The following EIF4G3 variants were observed in gnomAD, a reference collection of about 807,000 sequenced individuals.
EIF4G3 encodes the protein eukaryotic translation initiation factor 4 gamma 3.
A neutral mutation model predicts 186.4 loss-of-function variants in EIF4G3; 34 were observed. That is an observed-to-expected ratio of 0.18 (90% CI 0.14 to 0.24). The LOEUF (loss-of-function observed/expected upper bound fraction) is 0.24, where lower values mean the gene tolerates loss of function less well. Among genes scored for constraint, EIF4G3 ranks in the 10% least tolerant of loss-of-function variants. The probability of loss-of-function intolerance (pLI) is 1.00; values close to 1 mark genes in which losing one functional copy is unlikely to be tolerated. For missense variants in EIF4G3, 1,536 were observed against 1,948.5 expected, an observed-to-expected ratio of 0.79 and a Z score of 3.99; for synonymous variants, 673 against 679.5, an observed-to-expected ratio of 0.99 and a Z score of 0.15.
chr1:20,854,783 T>TA (rs1474743900), intron 26 of EIF4G3, among the ~76,000 whole-genome samples, 195 bp downstream of exon 26: 3 of 151,860 alleles, frequency 2.0e-5, no homozygotes, highest in South Asian at 2.1e-4. Flanking sequence ...GAATTGAAAT[T>TA]AAAAAAATAC....
intron 2 of EIF4G3, among the ~76,000 whole-genome samples, chr1:21,100,118 A>G (rs2096483227): frequency 6.6e-6 from 1 of 152,202 alleles, no homozygotes; most frequent in African/African-American, 2.4e-5. Context: ...AAGACTGTAT[A>G]TCATGTGATT....
At chr1:20,920,322 C>T (rs989325300) in intron 14 of EIF4G3, among the ~76,000 whole-genome samples, 7 of 152,208 alleles carry the variant, frequency 4.6e-5, no homozygotes, top group African/African-American at 1.7e-4. Flanking sequence ...AATTTTCAAG[C>T]AAACTTTGAT....
At chr1:21,160,218 G>C (rs939934275) in intron 2 of EIF4G3, among the ~76,000 whole-genome samples, 1 of 151,712 alleles carries the variant, frequency 6.6e-6, no homozygotes, top group Admixed American at 6.6e-5. Flanking sequence ...AACAATGATA[G>C]TTACTGGATT....
chr1:21,122,067 T>C (rs965869378), intron 2 of EIF4G3, among the ~76,000 whole-genome samples: 3 of 152,142 alleles, frequency 2.0e-5, no homozygotes, highest in Non-Finnish European at 4.4e-5. Flanking sequence ...TGAACCCAGG[T>C]CACATGAGCT....
chr1:20,835,653 A>G (rs146590925), intron 30 of EIF4G3, among the ~76,000 whole-genome samples: 4 of 152,288 alleles, frequency 2.6e-5, no homozygotes, highest in South Asian at 4.1e-4. Context: ...TCAAGACTGA[A>G]TCATGGCCAG....
At chr1:21,171,700 G>C (rs1182748784) in intron 2 of EIF4G3, among the ~76,000 whole-genome samples, 3 of 152,094 alleles carry the variant, frequency 2.0e-5, no homozygotes, top group Non-Finnish European at 2.9e-5. Flanking sequence ...ACAATCATAA[G>C]CAATTATAAT....
At chr1:20,827,759 A>G (rs925524571) in intron 31 of EIF4G3, 61 bp from the exon 32 acceptor site, 10 of 1,213,008 alleles carry the variant, frequency 8.2e-6, no homozygotes, top group Middle Eastern at 2.0e-4. Flanking sequence ...CTAGAACAAG[A>G]GGCAAACAAT....
At chr1:20,832,602 C>T (rs2065620207) in intron 30 of EIF4G3, among the ~76,000 whole-genome samples, 1 of 148,784 alleles carries the variant, frequency 6.7e-6, no homozygotes, top group Admixed American at 6.7e-5. Context: ...TGTGCAGAAG[C>T]TCTTTAGTTT....
At chr1:21,161,511 A>C (rs2097765973) in intron 2 of EIF4G3, 1 of 152,290 alleles carries the variant, frequency 6.6e-6, no homozygotes, top group South Asian at 2.1e-4. Context: ...CTCAAAAAAA[A>C]AGAAAAGAAA....
intron 19 of EIF4G3, among the ~76,000 whole-genome samples, chr1:20,879,733 G>C (rs1168896010): frequency 6.6e-6 from 1 of 152,020 alleles, no homozygotes; most frequent in Non-Finnish European, 1.5e-5. Context: ...TCTAGAAATA[G>C]GTATATACAC....
chr1:20,833,173 T>G (rs1255923429), intron 30 of EIF4G3, among the ~76,000 whole-genome samples: 2 of 140,052 alleles, frequency 1.4e-5, no homozygotes, highest in Non-Finnish European at 3.1e-5. Flanking sequence ...TTGATGGGGA[T>G]GGCACTGAAT....
At chr1:20,839,066 C>A (rs2154548995) in intron 30 of EIF4G3, among the ~76,000 whole-genome samples, 1 of 152,286 alleles carries the variant, frequency 6.6e-6, no homozygotes, top group Non-Finnish European at 1.5e-5. Flanking sequence ...GCAACCTCCA[C>A]CTCCCTGGTT....
At chr1:20,938,905 G>C (rs1254761005) in intron 14 of EIF4G3, among the ~76,000 whole-genome samples, 1 of 151,796 alleles carries the variant, frequency 6.6e-6, no homozygotes, top group South Asian at 2.1e-4. Flanking sequence ...TCAGTAGTTC[G>C]AGACCAGCCT....
chr1:20,900,422 T>C (rs1282880678), intron 15 of EIF4G3, among the ~76,000 whole-genome samples: 2 of 152,040 alleles, frequency 1.3e-5, no homozygotes, highest in African/African-American at 2.4e-5. Context: ...TATCTCATTT[T>C]ACAAAAAGGC....
At chr1:21,097,437 T>C (rs2096401552) in intron 2 of EIF4G3, among the ~76,000 whole-genome samples, 1 of 152,172 alleles carries the variant, frequency 6.6e-6, no homozygotes, top group Admixed American at 6.6e-5. Flanking sequence ...GAGTAACTCA[T>C]GAATTTGAGG....
intron 12 of EIF4G3, among the ~76,000 whole-genome samples, chr1:20,954,271 C>T (rs953859903): frequency 1.3e-5 from 2 of 152,060 alleles, no homozygotes; most frequent in African/African-American, 4.8e-5. Flanking sequence ...GGCAAGGTGG[C>T]TCACGCCTCT....
At chr1:21,112,268 C>T (rs940644785) in intron 2 of EIF4G3, among the ~76,000 whole-genome samples, 1 of 152,172 alleles carries the variant, frequency 6.6e-6, no homozygotes, top group Admixed American at 6.6e-5. Context: ...TTCCTCACTA[C>T]CTGTATTTGT....
chr1:20,893,756 A>C, intron 17 of EIF4G3, 120 bp from the exon 18 acceptor site: 1 of 1,171,174 alleles, frequency 8.5e-7, no homozygotes, highest in East Asian at 2.7e-5. Context: ...CAGCTTTGGA[A>C]CCCGCAGAAG....
At chr1:20,944,548 GGA>G (rs1210345339) in intron 13 of EIF4G3, among the ~76,000 whole-genome samples, 3 of 151,094 alleles carry the variant, frequency 2.0e-5, no homozygotes, top group South Asian at 4.2e-4. Flanking sequence ...GTGGGGAGAA[GGA>G]GAGAGGGGGA....
Sources: allele counts gnomAD v4.1 joint callset (sites outside exome capture counted in the v4.1 genomes callset), GRCh38; gene constraint gnomAD v4.1.1; transcripts MANE v1.5; gene names NCBI Gene and HGNC (gene_info 2026-07-23, HGNC 2026-07-21).